NF2: variants seen among roughly 807,000 people sequenced by gnomAD.
NF2 encodes the protein NF2, moesin-ezrin-radixin like (MERLIN) tumor suppressor, also known as merlin.
Under a neutral mutation model 83.7 loss-of-function variants are expected in NF2, and 8 were observed. That is an observed-to-expected ratio of 0.10 (90% CI 0.06 to 0.17). The LOEUF (loss-of-function observed/expected upper bound fraction) is 0.17, where lower values mean the gene tolerates loss of function less well. Ranked by LOEUF, NF2 falls within the 10% of genes least tolerant of loss-of-function variation. NF2 has a pLI of 1.00. For missense variants in NF2, 533 were observed against 744.4 expected, an observed-to-expected ratio of 0.72 and a Z score of 3.31; for synonymous variants, 266 against 269.6, an observed-to-expected ratio of 0.99 and a Z score of 0.13.
chr22:29,653,112 A>T lies in NF2; in HGVS notation c.448-1545A>T, dbSNP rs570691454. On this transcript the variant is annotated intron_variant, in intron 4 of 15. Transcript: ENST00000338641. Reference sequence around the variant, plus strand: ...TTTTTTTAAATGAAGAAATGCCTAAACTGTGTTACAAAAACTGTGGCATGT... The same window carrying T: ...TTTTTTTAAATGAAGAAATGCCTAATCTGTGTTACAAAAACTGTGGCATGT... Among the ~76,000 whole-genome samples, 9 of 152,218 alleles carry T rather than the reference A, an allele frequency of 5.9e-5. No homozygotes were observed. The South Asian group carries it at 1.9e-3, about 32-fold the overall frequency.
intron 1 of NF2, among the ~76,000 whole-genome samples, chr22:29,635,703 G>T (rs1020609739): frequency 1.3e-5 from 2 of 152,090 alleles, no homozygotes; most frequent in African/African-American, 4.8e-5. Context: ...GATTTCTAAT[G>T]AGGGCAGGAA....
At chr22:29,652,203 AG>A (rs1263150580) in intron 4 of NF2, among the ~76,000 whole-genome samples, 2 of 152,224 alleles carry the variant, frequency 1.3e-5, no homozygotes, top group Non-Finnish European at 2.9e-5. Flanking sequence ...GGATCCTCTA[AG>A]GCCAGTGCTC....
intron 15 of NF2, among the ~76,000 whole-genome samples, chr22:29,689,711 C>T (rs2067356925): frequency 6.6e-6 from 1 of 151,660 alleles, no homozygotes; most frequent in South Asian, 2.1e-4. Flanking sequence ...TAGTTTTGTT[C>T]CCCAGCTTAA....
chr22:29,645,477 A>G (rs1157321564), intron 4 of NF2, among the ~76,000 whole-genome samples: 1 of 152,244 alleles, frequency 6.6e-6, no homozygotes. Context: ...CAACTAAAAC[A>G]TATGCTTCCT....
chr22:29,668,469 T>A (rs765621135), intron 10 of NF2, 23 bp downstream of exon 10: 3 of 1,566,402 alleles, frequency 1.9e-6, no homozygotes, highest in Non-Finnish European at 2.6e-6. Context: ...TTGTTTTAAC[T>A]GATGATGTCA....
intron 10 of NF2, among the ~76,000 whole-genome samples, chr22:29,670,336 C>CT (rs899401953): frequency 2.1e-4 from 31 of 150,962 alleles, no homozygotes; most frequent in East Asian, 7.8e-4. Context: ...TTCTTAGTTT[C>CT]TTTTTTTTTA....
chr22:29,668,084 A>G (rs1328482892), intron 9 of NF2, among the ~76,000 whole-genome samples: 1 of 151,890 alleles, frequency 6.6e-6, no homozygotes, highest in Non-Finnish European at 1.5e-5. Flanking sequence ...GACATGGTGA[A>G]GTGTCCTCCA....
Position 29,694,783 on chromosome 22 carries a change from C to G in NF2, c.1769C>G (p.Ala590Gly), listed in dbSNP as rs1246154574. 19 of 1,613,548 alleles carry G rather than the reference C, an allele frequency of 1.2e-5. No individual in the cohort carries two copies. Among genetic ancestry groups the G allele is most frequent in the Non-Finnish European group, 1.5e-5 (18 of 1,179,806 alleles). ...TTGCAGAGCGCCAAGTCCCGAGTGG[C>G]CTTCTTTGAAGAGCTCTAGCAGGTG... The part of the protein sequence containing the change: ...LTLQSAKSRV[A>G]FFEEL The change falls in exon 16 of 16, where the codon GCC (alanine) becomes GGC (glycine). Residue 590 changes from alanine to glycine, a missense_variant. This residue lies in a region of NF2 where 199 missense variants were observed against 240.7 expected (regional missense o/e 0.83). Transcript: ENST00000338641. This position sits in a 1 kb window ranked among gnomAD's most constrained non-coding sequence, Gnocchi z 4.1.
intron 15 of NF2, chr22:29,683,671 T>A (rs2067206498): frequency 9.3e-7 from 1 of 1,077,496 alleles, no homozygotes; most frequent in African/African-American, 1.6e-5. Flanking sequence ...GGACTGTCTG[T>A]TCATCTGTGC....
intron 13 of NF2, 87 bp downstream of exon 13, chr22:29,675,028 T>G: frequency 8.6e-7 from 1 of 1,166,562 alleles, no homozygotes; most frequent in Non-Finnish European, 1.2e-6. Flanking sequence ...TGGCGGTGCC[T>G]TCAGGGTGAC....
chr22:29,643,317 A>G (rs1053859712), intron 4 of NF2, among the ~76,000 whole-genome samples: 15 of 143,626 alleles, frequency 1.0e-4, no homozygotes, highest in Middle Eastern at 3.5e-3. Context: ...TTTATTGATC[A>G]TTCTTGGGTG....
chr22:29,695,264 G>A lies in NF2; in HGVS notation c.*462G>A, dbSNP rs1038142962. On this transcript the variant is annotated 3_prime_UTR_variant, in exon 16 of 16. Coordinates refer to ENST00000338641, the MANE Select transcript of NF2 (RefSeq NM_000268.4). The surrounding 1 kb of genome is among the most constrained non-coding windows in gnomAD (Gnocchi z 5.4). Reference sequence around the variant, plus strand: ...CACCGGTGAGGACCTGGCATGCAGCGAAGCAGCCCAGCCCGGCGGATCCCA... The same window carrying A: ...CACCGGTGAGGACCTGGCATGCAGCAAAGCAGCCCAGCCCGGCGGATCCCA... 6 of 316,566 alleles carry A rather than the reference G, an allele frequency of 1.9e-5. No individual in the cohort carries two copies. The highest frequency in any genetic ancestry group is 1.8e-4 in the South Asian group (3 of 17,134). The allele number at this position is 316,566 out of a possible 1,614,324, so 19.6% of individuals were successfully genotyped here.
intron 1 of NF2, among the ~76,000 whole-genome samples, chr22:29,627,042 G>A (rs1443889865): frequency 6.6e-6 from 1 of 152,112 alleles, no homozygotes; most frequent in Non-Finnish European, 1.5e-5. Context: ...GAACGTAATA[G>A]CAGACCCTGA....
At chr22:29,612,757 C>G (rs1204143272) in intron 1 of NF2, among the ~76,000 whole-genome samples, 1 of 152,122 alleles carries the variant, frequency 6.6e-6, no homozygotes, top group African/African-American at 2.4e-5. Flanking sequence ...TTGATCTACA[C>G]GTTTGACATA....
At chr22:29,643,576 A>G (rs2065876134) in intron 4 of NF2, among the ~76,000 whole-genome samples, 1 of 152,234 alleles carries the variant, frequency 6.6e-6, no homozygotes, top group South Asian at 2.1e-4. Context: ...GAGTGGACAT[A>G]GCACATGTTT....
intron 15 of NF2, 143 bp downstream of exon 15, chr22:29,681,744 T>A (rs530178391): frequency 1.5e-4 from 141 of 972,070 alleles, no homozygotes; most frequent in Admixed American, 2.4e-4. Flanking sequence ...TTTTTTAACT[T>A]ATGCCAGAAA....
At position 29,646,033 on chromosome 22, in the gene NF2, G is replaced by A. The variant is rs555742562; in HGVS notation, c.447+3748G>A. On this transcript the variant is annotated intron_variant, in intron 4 of 15. Transcript: ENST00000338641. The stretch of plus-strand genomic sequence containing the variant: ...TAGGACTGCTGGTTAATAGTTAAAG[G>A]ATATCTGATTATAATATTAATAAGA... 2.4e-4 allele frequency among the ~76,000 whole-genome samples: 36 copies of A among 152,248 alleles called. 1 individual carries two copies. The highest frequency in any genetic ancestry group is 6.8e-3 in the Middle Eastern group (2 of 294).
At chr22:29,626,077 A>G (rs2065359345) in intron 1 of NF2, among the ~76,000 whole-genome samples, 1 of 151,660 alleles carries the variant, frequency 6.6e-6, no homozygotes, top group Non-Finnish European at 1.5e-5. Context: ...TTGCTTAATC[A>G]TATTGATTTT....
chr22:29,655,715 G>C (rs2066284060), intron 6 of NF2, 39 bp downstream of exon 6: 3 of 1,480,900 alleles, frequency 2.0e-6, no homozygotes, highest in Non-Finnish European at 2.8e-6. Context: ...TCCTTTATGG[G>C]CTTTTTTTTT....
Sources: gnomAD v4.1 joint callset for allele counts (sites outside exome capture counted in the v4.1 genomes callset) on GRCh38, gnomAD v4.1.1 for gene constraint, gnomAD v4.1.1 regional missense constraint, Gnocchi (gnomAD v3.1) non-coding constraint, MANE v1.5 for transcripts, NCBI Gene and HGNC (gene_info 2026-07-23, HGNC 2026-07-21) for gene names.